Variants in UNC5D observed in about 807,000 individuals in gnomAD.
UNC5D encodes netrin receptor UNC5D.
In UNC5D, 39 loss-of-function variants were observed where a neutral mutation model predicts 105.4. The observed-to-expected ratio is 0.37, with a 90% CI of 0.29 to 0.48. UNC5D has a LOEUF of 0.48. Among genes scored for constraint, UNC5D ranks in the 20% least tolerant of loss-of-function variants. The pLI is 0.98. For missense variants in UNC5D, 991 were observed against 1,202.4 expected (o/e 0.82, Z 2.60); for synonymous variants, 452 against 450.4 (o/e 1.00, Z -0.04).
intron 1 of UNC5D, among the ~76,000 whole-genome samples, chr8:35,513,985 A>C (rs1444417169): frequency 2.0e-5 from 3 of 152,226 alleles, no homozygotes; most frequent in Non-Finnish European, 4.4e-5. Context: ...ACTAAATTAG[A>C]ATCAATTGGT....
chr8:35,305,666 TTTC>T (rs757594107), intron 1 of UNC5D, among the ~76,000 whole-genome samples: 4 of 150,570 alleles, frequency 2.7e-5, no homozygotes, highest in Non-Finnish European at 5.9e-5. Flanking sequence ...TCTTTCTCTT[TTTC>T]TTTTCTTTCC....
At chr8:35,319,480 T>C (rs866028471) in intron 1 of UNC5D, among the ~76,000 whole-genome samples, 16 of 152,142 alleles carry the variant, frequency 1.1e-4, no homozygotes, top group African/African-American at 2.9e-4. Flanking sequence ...CTTAATAAGA[T>C]GGTCTCTTTC....
intron 1 of UNC5D, among the ~76,000 whole-genome samples, chr8:35,245,175 ATTC>A (rs1203043426): frequency 1.3e-5 from 2 of 152,094 alleles, no homozygotes; most frequent in Admixed American, 6.6e-5. Flanking sequence ...GTAAAGCGAA[ATTC>A]TTCTGATTTG....
intron 1 of UNC5D, among the ~76,000 whole-genome samples, chr8:35,391,200 T>C (rs915943908): frequency 2.0e-5 from 3 of 152,224 alleles, no homozygotes; most frequent in African/African-American, 7.2e-5. Context: ...CTTAATGTTA[T>C]GAAATACAAG....
chr8:35,582,157 G>A (rs1818501557), intron 3 of UNC5D, among the ~76,000 whole-genome samples: 1 of 152,108 alleles, frequency 6.6e-6, no homozygotes, highest in Non-Finnish European at 1.5e-5. Context: ...ATAGGCATGA[G>A]CCCCCATGTC....
chr8:35,296,341 T>C lies in UNC5D; in HGVS notation c.103+60454T>C, dbSNP rs1354775786. 2.0e-5 allele frequency among the ~76,000 whole-genome samples: 3 copies of C among 152,328 alleles called. No homozygotes were observed. In the East Asian group the frequency reaches 5.8e-4, roughly 29 times the overall value. ...CACTTGTTATCTTTTGTCCTCTTGA[T>C]AGTAGCCATCCTAATAGGTGTGAGG... On this transcript the variant is annotated intron_variant, in intron 1 of 16. Transcript: ENST00000404895.
At chr8:35,738,314 G>A (rs1829579846) in intron 11 of UNC5D, among the ~76,000 whole-genome samples, 2 of 152,250 alleles carry the variant, frequency 1.3e-5, no homozygotes, top group South Asian at 4.1e-4. Context: ...ATTTTGGTGA[G>A]GATGATAAAA....
chr8:35,520,005 G>T (rs1384723181), intron 1 of UNC5D, among the ~76,000 whole-genome samples: 1 of 151,962 alleles, frequency 6.6e-6, no homozygotes, highest in Non-Finnish European at 1.5e-5. Context: ...AGAGACTTTG[G>T]CTCTTCTTCA....
intron 1 of UNC5D, among the ~76,000 whole-genome samples, chr8:35,421,969 A>T (rs1329242622): frequency 6.6e-6 from 1 of 152,246 alleles, no homozygotes; most frequent in East Asian, 1.9e-4. Context: ...GGACAGAATA[A>T]TATACCTTCT....
At chr8:35,276,560 G>A (rs1292978368) in intron 1 of UNC5D, among the ~76,000 whole-genome samples, 2 of 152,182 alleles carry the variant, frequency 1.3e-5, no homozygotes, top group Non-Finnish European at 2.9e-5. Flanking sequence ...TATCATTAAA[G>A]TTTTGATTTG....
chr8:35,680,974 G>T (rs894645573), intron 4 of UNC5D, among the ~76,000 whole-genome samples: 1 of 152,200 alleles, frequency 6.6e-6, no homozygotes, highest in Admixed American at 6.5e-5. Context: ...CCTAGGAGGA[G>T]AGTGGAGGTG....
intron 14 of UNC5D, among the ~76,000 whole-genome samples, chr8:35,760,787 T>A (rs921518060): frequency 1.3e-5 from 2 of 150,736 alleles, no homozygotes; most frequent in African/African-American, 2.5e-5. Context: ...TTTTTTTTTT[T>A]AACTATAGAC....
At chr8:35,583,045 A>C (rs1366747161) in intron 3 of UNC5D, among the ~76,000 whole-genome samples, 3 of 152,304 alleles carry the variant, frequency 2.0e-5, no homozygotes, top group East Asian at 3.9e-4. Flanking sequence ...GAAAAGGGAT[A>C]CTTGACAACA....
intron 9 of UNC5D, among the ~76,000 whole-genome samples, chr8:35,724,000 A>G (rs989546181): frequency 1.2e-4 from 19 of 152,020 alleles, no homozygotes; most frequent in African/African-American, 4.1e-4. Context: ...CCCTTGGCAT[A>G]TGGAAAGCGC....
intron 4 of UNC5D, among the ~76,000 whole-genome samples, chr8:35,627,156 A>G (rs954920127): frequency 1.3e-5 from 2 of 152,220 alleles, no homozygotes; most frequent in African/African-American, 2.4e-5. Flanking sequence ...AAACAGGGAC[A>G]AGTAGGAAAA....
chr8:35,699,729 G>T (rs971359921), intron 7 of UNC5D, among the ~76,000 whole-genome samples: 1 of 152,160 alleles, frequency 6.6e-6, no homozygotes, highest in Non-Finnish European at 1.5e-5. Context: ...AAGCTGGGGG[G>T]AGTAGGGTTG....
rs1441322975 is a variant in UNC5D at position 35,794,278 on chromosome 8, C to T, written c.*3715C>T. 6.6e-6 allele frequency: 1 copy of T among 152,154 alleles called. No individual in the cohort carries two copies. Among genetic ancestry groups the T allele is most frequent in the Non-Finnish European group, 1.5e-5 (1 of 68,026 alleles). The allele number at this position is 152,154 out of a possible 1,614,324, so 9.4% of individuals were successfully genotyped here. On this transcript the variant is annotated 3_prime_UTR_variant, in exon 17 of 17. Coordinates refer to ENST00000404895, the MANE Select transcript of UNC5D (RefSeq NM_080872.4). ...TTGAAGGCAAAGTTCTCGCAGAGGT[C>T]TCTGTTCCAGCTCTGTAAAGGTCAC... is the stretch of plus-strand genomic sequence containing the variant.
At chr8:35,751,719 A>G (rs1012374258) in intron 13 of UNC5D, among the ~76,000 whole-genome samples, 3 of 152,112 alleles carry the variant, frequency 2.0e-5, no homozygotes, top group Non-Finnish European at 2.9e-5. Context: ...AATGTAAGAG[A>G]GGTTGGGGTA....
At chr8:35,419,491 A>C (rs1486268698) in intron 1 of UNC5D, among the ~76,000 whole-genome samples, 2 of 152,206 alleles carry the variant, frequency 1.3e-5, no homozygotes, top group African/African-American at 4.8e-5. Flanking sequence ...TGGTGCCACC[A>C]GAAAACTTGG....
Sources: allele counts gnomAD v4.1 joint callset (sites outside exome capture counted in the v4.1 genomes callset), GRCh38; gene constraint gnomAD v4.1.1; transcripts MANE v1.5; gene names NCBI Gene and HGNC (gene_info 2026-07-23, HGNC 2026-07-21).